The following HOMER2 variants were observed in gnomAD, a reference collection of about 807,000 sequenced individuals.
HOMER2 encodes the protein homer scaffold protein 2.
HOMER2 carries 27 observed loss-of-function variants against 47.0 expected under a neutral mutation model. The ratio of observed to expected loss-of-function variants is 0.57; its 90% CI spans 0.42 to 0.79. The LOEUF is 0.79. Among genes scored for constraint, HOMER2 ranks in the 30% least tolerant of loss-of-function variants. The probability of loss-of-function intolerance (pLI) is 0.00; values close to 1 mark genes in which losing one functional copy is unlikely to be tolerated. For synonymous variants in HOMER2, 161 were observed against 163.8 expected (o/e 0.98, Z 0.13); for missense variants, 443 against 435.0 (o/e 1.02, Z -0.16).
intron 1 of HOMER2, among the ~76,000 whole-genome samples, chr15:82,918,909 A>G (rs530998550): frequency 6.6e-6 from 1 of 152,228 alleles, no homozygotes; most frequent in Non-Finnish European, 1.5e-5. Context: ...AAAGACACGC[A>G]GACTCATTAC....
chr15:82,940,270 T>G (rs1024065048), intron 1 of HOMER2, among the ~76,000 whole-genome samples: 65 of 152,304 alleles, frequency 4.3e-4, no homozygotes, highest in African/African-American at 1.5e-3. Flanking sequence ...AATGAGATAT[T>G]GCATAGACAG....
At chr15:82,946,707 AAAC>A (rs922770731) in intron 1 of HOMER2, among the ~76,000 whole-genome samples, 10 of 152,188 alleles carry the variant, frequency 6.6e-5, no homozygotes, top group Non-Finnish European at 1.5e-4. Context: ...AAAAAAACAA[AAAC>A]AAAGAAAGTC....
At chr15:82,986,009 T>C, upstream of HOMER2, 1 of 956,972 alleles carries the variant, frequency 1.0e-6, no homozygotes. Context: ...CGTTTTCGAC[T>C]GCCCAGCCAC....
chr15:82,920,631 T>C (rs923644117), intron 1 of HOMER2, among the ~76,000 whole-genome samples: 8 of 152,208 alleles, frequency 5.3e-5, no homozygotes, highest in Non-Finnish European at 8.8e-5. Context: ...TTCTCTATTC[T>C]GTGTGTAGTA....
intron 3 of HOMER2, among the ~76,000 whole-genome samples, chr15:82,865,311 G>T (rs539132997): frequency 5.9e-5 from 9 of 152,270 alleles, no homozygotes; most frequent in Non-Finnish European, 1.2e-4. Context: ...TCTTTTTGGG[G>T]ACCTCTTAAG....
chr15:82,860,952 A>AGAGAGAGAGAG (rs56193557), intron 4 of HOMER2, among the ~76,000 whole-genome samples: 1,539 of 105,668 alleles, frequency 0.015, 100 homozygotes, highest in Admixed American at 0.032. Context: ...TAGAAGATAG[A>AGAGAGAGAGAG]AGATGAGAGA....
intron 1 of HOMER2, among the ~76,000 whole-genome samples, chr15:82,939,568 G>T (rs2054217032): frequency 6.6e-6 from 1 of 152,200 alleles, no homozygotes; most frequent in African/African-American, 2.4e-5. Context: ...TACTTGGGGG[G>T]CTGAGGCAGG....
chr15:82,917,038 GA>G (rs1239791373), intron 1 of HOMER2, among the ~76,000 whole-genome samples: 2 of 151,970 alleles, frequency 1.3e-5, no homozygotes, highest in Non-Finnish European at 2.9e-5. Context: ...TTGACCTTGT[GA>G]TTCGCCTGCC....
chr15:82,940,188 G>T (rs2151216115), intron 1 of HOMER2, among the ~76,000 whole-genome samples: 1 of 151,862 alleles, frequency 6.6e-6, no homozygotes, highest in Admixed American at 6.6e-5. Flanking sequence ...TGCACATTGT[G>T]CACATGTACC....
chr15:82,846,123 G>C (rs1286918276), downstream of HOMER2: 4 of 152,440 alleles, frequency 2.6e-5, no homozygotes, highest in Admixed American at 1.3e-4. Flanking sequence ...AGAAAGGAGT[G>C]CATCTCCAGG....
At chr15:82,872,947 T>A (rs1035000146) in intron 3 of HOMER2, among the ~76,000 whole-genome samples, 6 of 152,242 alleles carry the variant, frequency 3.9e-5, no homozygotes, top group African/African-American at 4.8e-5. Flanking sequence ...TCCATATGCA[T>A]GCTCTTCAGA....
chr15:82,922,844 T>C (rs1291955113), intron 1 of HOMER2, among the ~76,000 whole-genome samples: 1 of 152,146 alleles, frequency 6.6e-6, no homozygotes, highest in Non-Finnish European at 1.5e-5. Flanking sequence ...TTAACAGATG[T>C]CCCTGCTCAC....
exon 2 of HOMER2, chr15:82,837,815 C>A (rs2051141628): frequency 6.6e-6 from 1 of 152,264 alleles, no homozygotes; most frequent in African/African-American, 2.4e-5. Context: ...TAATAGTCTT[C>A]TTACTGTGGT....
intron 3 of HOMER2, among the ~76,000 whole-genome samples, chr15:82,866,080 G>A (rs1183901486): frequency 6.6e-6 from 1 of 152,172 alleles, no homozygotes; most frequent in Non-Finnish European, 1.5e-5. Flanking sequence ...TGCACCGTGT[G>A]CCTGGGTAAA....
At chr15:82,984,819 G>GAAAC (rs796951788) in intron 1 of HOMER2, among the ~76,000 whole-genome samples, 40 of 151,910 alleles carry the variant, frequency 2.6e-4, no homozygotes, top group African/African-American at 6.5e-4. Context: ...CTGTGTCAAA[G>GAAAC]AAACAAACAA....
At chr15:82,919,484 C>T (rs1386416373) in intron 1 of HOMER2, among the ~76,000 whole-genome samples, 5 of 152,220 alleles carry the variant, frequency 3.3e-5, no homozygotes. Context: ...CCTTCTCATA[C>T]ATAATCATAC....
At chr15:82,894,946 G>C (rs2052858634) in intron 1 of HOMER2, among the ~76,000 whole-genome samples, 1 of 152,126 alleles carries the variant, frequency 6.6e-6, no homozygotes, top group Admixed American at 6.5e-5. Flanking sequence ...AAAATTTTAA[G>C]AATGCTCTTG....
intron 1 of HOMER2, among the ~76,000 whole-genome samples, chr15:82,933,815 G>A (rs1191333480): frequency 1.3e-5 from 2 of 152,104 alleles, no homozygotes; most frequent in East Asian, 3.9e-4. Context: ...CCTTCCACTC[G>A]AAATCCCCAA....
At chr15:82,847,726 C>G (rs1313488598), downstream of HOMER2, among the ~76,000 whole-genome samples, 1 of 152,170 alleles carries the variant, frequency 6.6e-6, no homozygotes, top group African/African-American at 2.4e-5. Context: ...ATCTGAAGAC[C>G]CCAGCGGAAG....
Sources: allele counts gnomAD v4.1 joint callset (sites outside exome capture counted in the v4.1 genomes callset), GRCh38; gene constraint gnomAD v4.1.1; transcripts MANE v1.5; gene names NCBI Gene and HGNC (gene_info 2026-07-23, HGNC 2026-07-21).